Variants in PTPN9 observed in about 807,000 individuals in gnomAD.
The protein encoded by PTPN9 is tyrosine-protein phosphatase non-receptor type 9.
A neutral mutation model predicts 69.8 loss-of-function variants in PTPN9; 26 were observed. That is an observed-to-expected ratio of 0.37 (90% confidence interval 0.27 to 0.52). The LOEUF (loss-of-function observed/expected upper bound fraction) is 0.52. Ranked by LOEUF, PTPN9 falls within the 20% of genes least tolerant of loss-of-function variation. The pLI, the probability that PTPN9 is intolerant of heterozygous loss-of-function variation, is 0.91. For missense variants in PTPN9, 549 were observed against 740.3 expected, an observed-to-expected ratio of 0.74 and a Z score of 3.00; for synonymous variants, 274 against 272.5, an observed-to-expected ratio of 1.01 and a Z score of -0.05.
rs1266449272 is a variant in PTPN9, at chr15:75,464,171, T to G, written c.*4598A>C. On this transcript the variant is annotated 3_prime_UTR_variant, in exon 13 of 13. Coordinates refer to ENST00000618819, the MANE Select transcript of PTPN9 (RefSeq NM_002833.4). ...ACACACTAAAACTGGAGAGGCTGGGTGTGGTGGCCCATGCCTGTAATCCTC... is the reference window on the plus strand; with the variant it reads ...ACACACTAAAACTGGAGAGGCTGGGGGTGGTGGCCCATGCCTGTAATCCTC... 6.6e-6 allele frequency: 1 copy of G among 151,962 alleles called. No individual in the cohort carries two copies. The highest frequency in any genetic ancestry group is 1.9e-4 in the East Asian group (1 of 5,168). 9.4% of individuals were successfully genotyped at this position (151,962 alleles called of 1,614,324 possible). A position where few individuals can be genotyped will look rare whatever the true frequency, so the allele number is the denominator to read the frequency against.
chr15:75,524,356 C>A, intron 2 of PTPN9, 58 bp from the exon 3 acceptor site: 1 of 987,284 alleles, frequency 1.0e-6, no homozygotes, highest in Non-Finnish European at 1.6e-6. Context: ...TCCAGGACAG[C>A]ACCATGTAAC....
At chr15:75,488,271 A>T (rs1354336904) in intron 8 of PTPN9, among the ~76,000 whole-genome samples, 2 of 152,046 alleles carry the variant, frequency 1.3e-5, no homozygotes, top group Non-Finnish European at 2.9e-5. Context: ...ACAAGAGCGA[A>T]ACTCTGTCTC....
chr15:75,501,019 A>T (rs2074769775), intron 7 of PTPN9, among the ~76,000 whole-genome samples: 3 of 152,158 alleles, frequency 2.0e-5, no homozygotes, highest in Admixed American at 2.0e-4. Flanking sequence ...TCCCTTGTTG[A>T]TATATGGTCT....
chr15:75,543,105 T>G (rs192447226), intron 1 of PTPN9, among the ~76,000 whole-genome samples: 4 of 149,452 alleles, frequency 2.7e-5, no homozygotes, highest in Admixed American at 6.8e-5. Context: ...CAGTGTTTCG[T>G]TTTTTGTCCT....
At chr15:75,556,652 C>T (rs2075078756) in intron 1 of PTPN9, among the ~76,000 whole-genome samples, 2 of 152,158 alleles carry the variant, frequency 1.3e-5, no homozygotes, top group South Asian at 4.1e-4. Context: ...TGCTGGGATT[C>T]AGGTGTGAGC....
intron 1 of PTPN9, among the ~76,000 whole-genome samples, chr15:75,547,294 C>CAAA (rs71140170): frequency 1.8e-4 from 11 of 60,028 alleles, no homozygotes; most frequent in African/African-American, 6.9e-4. Context: ...GACTCTGTCT[C>CAAA]AAAAAAAAAA....
At chr15:75,558,762 C>T (rs1468434078) in intron 1 of PTPN9, among the ~76,000 whole-genome samples, 2 of 152,182 alleles carry the variant, frequency 1.3e-5, no homozygotes, top group African/African-American at 4.8e-5. Context: ...AGCTCCTAAC[C>T]GCGAGTGATC....
chr15:75,478,277 G>C (rs2074608314), intron 9 of PTPN9, among the ~76,000 whole-genome samples: 1 of 151,618 alleles, frequency 6.6e-6, no homozygotes, highest in South Asian at 2.1e-4. Context: ...GGCTAATTTT[G>C]TATGTTTAGT....
chr15:75,537,290 T>C (rs2074986295), intron 1 of PTPN9, among the ~76,000 whole-genome samples: 1 of 142,448 alleles, frequency 7.0e-6, no homozygotes, highest in South Asian at 2.2e-4. Context: ...AGGCTGAGGT[T>C]GCAGTGAGCC....
chr15:75,505,589 G>C (rs2074814803), intron 7 of PTPN9, 86 bp downstream of exon 7: 2 of 981,424 alleles, frequency 2.0e-6, no homozygotes, highest in Non-Finnish European at 3.1e-6. Flanking sequence ...TCTCTGCTAA[G>C]CAAGTGAGGG....
chr15:75,576,422 C>T (rs1390823759), intron 1 of PTPN9, among the ~76,000 whole-genome samples: 1 of 151,824 alleles, frequency 6.6e-6, no homozygotes, highest in Non-Finnish European at 1.5e-5. Flanking sequence ...ATCCCAGATA[C>T]TCAGGAGGCT....
chr15:75,574,871 G>T (rs1287537231), intron 1 of PTPN9, among the ~76,000 whole-genome samples: 4 of 147,046 alleles, frequency 2.7e-5, no homozygotes, highest in Non-Finnish European at 6.0e-5. Flanking sequence ...GAACCCGGGA[G>T]GCAGAGGTTG....
intron 4 of PTPN9, among the ~76,000 whole-genome samples, chr15:75,518,185 A>G (rs1353276903): frequency 1.3e-5 from 2 of 152,174 alleles, no homozygotes; most frequent in Non-Finnish European, 2.9e-5. Flanking sequence ...CAGGCTGGGC[A>G]ACATGACAAT....
At chr15:75,482,564 C>CAAAAAAAA (rs145653223) in intron 8 of PTPN9, among the ~76,000 whole-genome samples, 14 of 35,388 alleles carry the variant, frequency 4.0e-4, no homozygotes, top group Non-Finnish European at 5.1e-4. Flanking sequence ...GACTCCGTCT[C>CAAAAAAAA]AAAAAAAAAA....
chr15:75,528,868 T>A (rs2141323135), intron 1 of PTPN9, among the ~76,000 whole-genome samples: 1 of 151,964 alleles, frequency 6.6e-6, no homozygotes, highest in South Asian at 2.1e-4. Context: ...GCCTGGATAA[T>A]TTTTTTGATT....
chr15:75,473,088 T>C (rs2074577074), intron 10 of PTPN9, among the ~76,000 whole-genome samples: 1 of 152,158 alleles, frequency 6.6e-6, no homozygotes, highest in Non-Finnish European at 1.5e-5. Context: ...CTTCCTTTAG[T>C]GGATAAGGCC....
intron 1 of PTPN9, among the ~76,000 whole-genome samples, chr15:75,546,504 A>C (rs1001415822): frequency 5.3e-5 from 8 of 152,002 alleles, no homozygotes; most frequent in African/African-American, 1.9e-4. Context: ...TAAGCCAGGC[A>C]TGGTGGCACA....
chr15:75,474,529 A>G (rs1017659795), intron 9 of PTPN9, among the ~76,000 whole-genome samples: 1 of 152,130 alleles, frequency 6.6e-6, no homozygotes, highest in African/African-American at 2.4e-5. Context: ...AAAAAAAAAA[A>G]AAATTAGCTT....
chr15:75,531,708 G>A (rs1238955393), intron 1 of PTPN9, among the ~76,000 whole-genome samples: 2 of 151,594 alleles, frequency 1.3e-5, no homozygotes, highest in East Asian at 1.9e-4. Flanking sequence ...TCAGGCTCCC[G>A]CCACCACACC....
Sources: allele counts gnomAD v4.1 joint callset (sites outside exome capture counted in the v4.1 genomes callset), GRCh38; gene constraint gnomAD v4.1.1; transcripts MANE v1.5; gene names NCBI Gene and HGNC (gene_info 2026-07-23, HGNC 2026-07-21).